The following ENTHD1 variants were observed in gnomAD, a reference collection of about 807,000 sequenced individuals.
The protein encoded by ENTHD1 is ENTH domain containing 1, also known as ENTH domain-containing protein 1.
In ENTHD1, 23 loss-of-function variants were observed where a neutral mutation model predicts 39.1. That is an observed-to-expected ratio of 0.59 (90% CI 0.42 to 0.83). The LOEUF is 0.83. ENTHD1 is among the 40% of genes least tolerant of loss of function. The probability of loss-of-function intolerance (pLI) is 0.00; values close to 1 mark genes in which losing one functional copy is unlikely to be tolerated. For synonymous variants in ENTHD1, 230 were observed against 258.2 expected (o/e 0.89, Z 1.05); for missense variants, 624 against 705.4 (o/e 0.88, Z 1.31).
At chr22:39,844,173 T>C (rs1181673375) in intron 3 of ENTHD1, among the ~76,000 whole-genome samples, 2 of 152,040 alleles carry the variant, frequency 1.3e-5, no homozygotes, top group African/African-American at 4.8e-5. Flanking sequence ...TTGAGATTAC[T>C]AGGGGAAAGG....
chr22:39,774,585 C>T (rs1400392247), intron 5 of ENTHD1, among the ~76,000 whole-genome samples: 2 of 152,146 alleles, frequency 1.3e-5, no homozygotes, highest in Non-Finnish European at 2.9e-5. Context: ...CCCCTCAGTC[C>T]ACTCTACACA....
chr22:39,784,851 T>C (rs1206107195), intron 5 of ENTHD1, among the ~76,000 whole-genome samples: 1 of 152,068 alleles, frequency 6.6e-6, no homozygotes, highest in African/African-American at 2.4e-5. Context: ...AAATAAGACC[T>C]CATGTTAGAT....
intron 5 of ENTHD1, among the ~76,000 whole-genome samples, chr22:39,790,472 C>T (rs1273016369): frequency 6.6e-6 from 1 of 152,042 alleles, no homozygotes; most frequent in Non-Finnish European, 1.5e-5. Context: ...TTTTTGACAC[C>T]TTCTTCTCAG....
At chr22:39,862,206 T>C (rs903274078) in intron 2 of ENTHD1, among the ~76,000 whole-genome samples, 199 bp from the exon 3 acceptor site, 5 of 152,204 alleles carry the variant, frequency 3.3e-5, no homozygotes, top group South Asian at 2.1e-4. Context: ...TAAAATTATA[T>C]ACTGGCATTA....
chr22:39,848,066 A>G (rs972569927), intron 3 of ENTHD1, among the ~76,000 whole-genome samples: 1 of 152,136 alleles, frequency 6.6e-6, no homozygotes, highest in African/African-American at 2.4e-5. Flanking sequence ...CTGTGGGACT[A>G]AAGTCCCCAT....
intron 2 of ENTHD1, among the ~76,000 whole-genome samples, chr22:39,872,710 G>C (rs2066253809): frequency 6.6e-6 from 1 of 152,134 alleles, no homozygotes; most frequent in Admixed American, 6.5e-5. Flanking sequence ...AGGATACAAT[G>C]GGGAGTATTA....
chr22:39,816,294 A>G (rs558623161), intron 5 of ENTHD1, among the ~76,000 whole-genome samples: 3 of 152,364 alleles, frequency 2.0e-5, no homozygotes, highest in Admixed American at 1.3e-4. Context: ...AATGTATTTT[A>G]GAATCTGTGT....
At chr22:39,780,375 CAA>C (rs34934042) in intron 5 of ENTHD1, among the ~76,000 whole-genome samples, 10 of 134,148 alleles carry the variant, frequency 7.5e-5, no homozygotes, top group African/African-American at 2.0e-4. Context: ...AGACTAGTCT[CAA>C]AAAAAAAAAA....
chr22:39,787,543 A>G (rs1189454311), intron 5 of ENTHD1, among the ~76,000 whole-genome samples: 3 of 152,226 alleles, frequency 2.0e-5, no homozygotes, highest in African/African-American at 7.2e-5. Flanking sequence ...AAAACACAAG[A>G]ATAATAAGAA....
intron 5 of ENTHD1, among the ~76,000 whole-genome samples, chr22:39,798,588 C>T (rs2065570220): frequency 6.6e-6 from 1 of 152,164 alleles, no homozygotes; most frequent in African/African-American, 2.4e-5. Flanking sequence ...TTTCTCGGGA[C>T]AGGAGTGTCA....
At chr22:39,831,408 G>A (rs1164787364) in intron 4 of ENTHD1, among the ~76,000 whole-genome samples, 1 of 152,024 alleles carries the variant, frequency 6.6e-6, no homozygotes, top group Non-Finnish European at 1.5e-5. Context: ...AAGGAGAAAG[G>A]ACACAGAGAG....
chr22:39,891,610 TA>T (rs199770047), intron 1 of ENTHD1, among the ~76,000 whole-genome samples: 7 of 149,774 alleles, frequency 4.7e-5, no homozygotes, highest in South Asian at 2.1e-4. Flanking sequence ...CCTAACTAAT[TA>T]AAAAAAAAAT....
At chr22:39,826,545 T>C (rs528892765) in intron 4 of ENTHD1, among the ~76,000 whole-genome samples, 1 of 152,306 alleles carries the variant, frequency 6.6e-6, no homozygotes, top group South Asian at 2.1e-4. Flanking sequence ...TCTTTTCTAC[T>C]GTAAGCGTTT....
chr22:39,747,916 C>T (rs976579783), intron 6 of ENTHD1, among the ~76,000 whole-genome samples: 3 of 152,146 alleles, frequency 2.0e-5, no homozygotes, highest in South Asian at 2.1e-4. Context: ...GAGGCAAGAT[C>T]GGTGCATCAC....
intron 5 of ENTHD1, among the ~76,000 whole-genome samples, chr22:39,796,953 T>C (rs902489104): frequency 3.4e-4 from 52 of 152,228 alleles, no homozygotes; most frequent in African/African-American, 1.2e-3. Flanking sequence ...TGTCTAATCC[T>C]GAGAGCAGGA....
intron 5 of ENTHD1, 75 bp downstream of exon 5, chr22:39,820,918 A>T: frequency 1.3e-6 from 2 of 1,553,614 alleles, no homozygotes. Context: ...AACAAAGTTA[A>T]ATAGAAGCCA....
chr22:39,886,857 C>A (rs2146777171), intron 2 of ENTHD1, among the ~76,000 whole-genome samples: 1 of 152,266 alleles, frequency 6.6e-6, no homozygotes, highest in East Asian at 1.9e-4. Context: ...AGATTCCAGC[C>A]TGTGGAAATA....
rs572726365 is a variant in ENTHD1, at chr22:39,757,843, TAGTG to T, written c.1219+7376_1219+7379del. ...GGTTTCCCCCATGCTGTTCTCATGA[TAGTG>T]AGTGAATTCTCACGAGATCTGATGG... On this transcript the variant is annotated intron_variant, in intron 6 of 6. Coordinates refer to ENST00000325157, the MANE Select transcript of ENTHD1 (RefSeq NM_152512.4). 3.6e-3 allele frequency among the ~76,000 whole-genome samples: 551 copies of T among 152,248 alleles called. 5 individuals carry two copies. Among genetic ancestry groups the T allele is most frequent in the African/African-American group, 0.012 (485 of 41,536 alleles).
At chr22:39,800,337 G>A (rs1232791889) in intron 5 of ENTHD1, among the ~76,000 whole-genome samples, 2 of 152,126 alleles carry the variant, frequency 1.3e-5, no homozygotes, top group Non-Finnish European at 2.9e-5. Flanking sequence ...TACTATTTTG[G>A]TTCTTTGTGG....
Sources: allele counts gnomAD v4.1 joint callset (sites outside exome capture counted in the v4.1 genomes callset), GRCh38; gene constraint gnomAD v4.1.1; transcripts MANE v1.5; gene names NCBI Gene and HGNC (gene_info 2026-07-23, HGNC 2026-07-21).